Variants in HRH1 observed in about 807,000 individuals in gnomAD.
The protein encoded by HRH1 is histamine receptor H1, also known as histamine H1 receptor.
A neutral mutation model predicts 10.3 loss-of-function variants in HRH1; 6 were observed. The observed-to-expected ratio is 0.58, with a 90% CI of 0.32 to 1.15. The LOEUF (loss-of-function observed/expected upper bound fraction) is 1.15. HRH1 is among the 50% of genes most tolerant of loss of function. HRH1 has a pLI of 0.05. For missense variants in HRH1, 514 were observed against 615.3 expected (o/e 0.84, Z 1.74); for synonymous variants, 242 against 236.7 (o/e 1.02, Z -0.21).
intron 1 of HRH1, among the ~76,000 whole-genome samples, chr3:11,229,210 C>T (rs1938979342): frequency 6.6e-6 from 1 of 152,052 alleles, no homozygotes; most frequent in South Asian, 2.1e-4. Flanking sequence ...GAAATAGGCC[C>T]ATAAGGAGAC....
At chr3:11,188,372 C>T (rs774506563) in intron 1 of HRH1, among the ~76,000 whole-genome samples, 4 of 152,120 alleles carry the variant, frequency 2.6e-5, no homozygotes, top group Non-Finnish European at 4.4e-5. Context: ...GAAGCCGAGG[C>T]GGGTGGATCT....
chr3:11,198,901 T>TACAC lies in HRH1; in HGVS notation c.-36+44348_-36+44349insCACA, dbSNP rs1491456900. Among the ~76,000 whole-genome samples, 77 of 86,144 alleles carry TACAC rather than the reference T, an allele frequency of 8.9e-4. 1 individual carries two copies. The highest frequency in any genetic ancestry group is 2.4e-3 in the African/African-American group (58 of 24,196). 56.5% of individuals were successfully genotyped at this position (86,144 alleles called of 152,430 possible). On this transcript the variant is annotated intron_variant, in intron 1 of 1. Transcript: ENST00000431010. Reference sequence around the variant, plus strand: ...GTGTATTGTAAACTCTCTCTCTCTTTATACACACACACACACACACACACA... The same window carrying TACAC: ...GTGTATTGTAAACTCTCTCTCTCTTTACACATACACACACACACACACACACACA...
At chr3:11,174,164 C>CA (rs1937205755) in intron 1 of HRH1, among the ~76,000 whole-genome samples, 1 of 152,204 alleles carries the variant, frequency 6.6e-6, no homozygotes, top group African/African-American at 2.4e-5. Flanking sequence ...CAATATGTAC[C>CA]ACATTGAACT....
intron 1 of HRH1, among the ~76,000 whole-genome samples, chr3:11,174,444 G>T (rs773919919): frequency 1.3e-5 from 2 of 152,176 alleles, no homozygotes; most frequent in Non-Finnish European, 2.9e-5. Context: ...CCAAAGGCGT[G>T]GCTCAAAGTC....
intron 1 of HRH1, among the ~76,000 whole-genome samples, chr3:11,210,384 AC>A (rs1462046564): frequency 6.6e-6 from 1 of 152,068 alleles, no homozygotes; most frequent in Non-Finnish European, 1.5e-5. Flanking sequence ...ACAAAACGAG[AC>A]CCTGTCTCAA....
intron 1 of HRH1, among the ~76,000 whole-genome samples, chr3:11,165,475 C>T (rs919503292): frequency 2.0e-5 from 3 of 152,042 alleles, no homozygotes; most frequent in Non-Finnish European, 4.4e-5. Flanking sequence ...GGGTTTTTTT[C>T]CTCTGTTACA....
upstream of HRH1, among the ~76,000 whole-genome samples, chr3:11,149,841 A>G (rs2124999889): frequency 1.3e-5 from 2 of 152,388 alleles, no homozygotes; most frequent in Middle Eastern, 6.8e-3. Context: ...AGAACTCCAG[A>G]AATAATGAAA....
intron 1 of HRH1, among the ~76,000 whole-genome samples, chr3:11,214,822 A>C (rs752973157): frequency 6.6e-6 from 1 of 152,194 alleles, no homozygotes; most frequent in Non-Finnish European, 1.5e-5. Flanking sequence ...GTTGTGGCTA[A>C]CCAGAGAGTT....
At chr3:11,245,584 T>C (rs1214127068) in intron 1 of HRH1, among the ~76,000 whole-genome samples, 1 of 152,164 alleles carries the variant, frequency 6.6e-6, no homozygotes, top group Non-Finnish European at 1.5e-5. Flanking sequence ...TGTCGCAGGA[T>C]GTGCAAGGAG....
In HRH1 at chr3:11,259,551, A is replaced by T; in HGVS notation, c.514A>T (p.Thr172Ser). 6.2e-7 allele frequency: 1 copy of T among 1,613,770 alleles called. No individual in the cohort carries two copies. The highest frequency in any genetic ancestry group is 1.1e-5 in the South Asian group (1 of 91,060). ...ILGWNHFMQQ[T>S]SVRREDKCET... ...AGGCTGGAATCACTTCATGCAGCAG[A>T]CCTCGGTGCGCCGAGAGGACAAGTG... Residue 172 changes from threonine (T) to serine (S), a missense_variant, in exon 2 of 2, where the codon ACC (threonine) becomes TCC (serine). Transcript: ENST00000431010. This position sits in a 1 kb window ranked among gnomAD's most constrained non-coding sequence, Gnocchi z 4.6.
chr3:11,201,071 A>C (rs1157376780), intron 1 of HRH1, among the ~76,000 whole-genome samples: 1 of 152,242 alleles, frequency 6.6e-6, no homozygotes. Context: ...GTTTTCGGGG[A>C]TCTATCAGTG....
intron 1 of HRH1, among the ~76,000 whole-genome samples, chr3:11,241,072 TTTG>T (rs1242909287): frequency 3.9e-5 from 6 of 152,230 alleles, no homozygotes; most frequent in Admixed American, 2.0e-4. Context: ...GAATCTATAT[TTTG>T]TTTTTTTCAA....
chr3:11,202,603 T>G (rs752878169), intron 1 of HRH1, among the ~76,000 whole-genome samples: 5 of 152,056 alleles, frequency 3.3e-5, no homozygotes, highest in Non-Finnish European at 4.4e-5. Context: ...AACGAAGACT[T>G]TATTTTTCTT....
At chr3:11,159,262 A>C (rs1332382222) in intron 1 of HRH1, among the ~76,000 whole-genome samples, 1 of 152,174 alleles carries the variant, frequency 6.6e-6, no homozygotes, top group Non-Finnish European at 1.5e-5. Flanking sequence ...AAACAAAACA[A>C]AAAGACAGTG....
intron 1 of HRH1, among the ~76,000 whole-genome samples, chr3:11,197,420 A>G (rs1006322158): frequency 1.1e-4 from 17 of 152,092 alleles, no homozygotes; most frequent in Non-Finnish European, 2.2e-4. Flanking sequence ...AGGCAAAGAT[A>G]TTTCTTCCCC....
intron 1 of HRH1, among the ~76,000 whole-genome samples, chr3:11,220,416 T>C (rs1198707706): frequency 1.3e-5 from 2 of 152,166 alleles, no homozygotes; most frequent in Non-Finnish European, 2.9e-5. Context: ...CAGTGTCCTG[T>C]TTGTTGGTAT....
chr3:11,181,213 A>G (rs1000425051), intron 1 of HRH1, among the ~76,000 whole-genome samples: 4 of 152,128 alleles, frequency 2.6e-5, no homozygotes, highest in Admixed American at 2.6e-4. Context: ...TGATCCCGGG[A>G]GGTTGAGGCT....
At chr3:11,145,387 A>T (rs1371709073) in intron 1 of HRH1, among the ~76,000 whole-genome samples, 2 of 152,120 alleles carry the variant, frequency 1.3e-5, no homozygotes, top group Non-Finnish European at 2.9e-5. Flanking sequence ...CTTTCAGTAC[A>T]GGTCCTTCAA....
At chr3:11,205,872 A>T (rs944662981) in intron 1 of HRH1, among the ~76,000 whole-genome samples, 1 of 151,876 alleles carries the variant, frequency 6.6e-6, no homozygotes, top group Non-Finnish European at 1.5e-5. Context: ...ATATTGGCCA[A>T]GCTGGTCTTG....
Sources: gnomAD v4.1 joint callset for allele counts (sites outside exome capture counted in the v4.1 genomes callset) on GRCh38, gnomAD v4.1.1 for gene constraint, Gnocchi (gnomAD v3.1) non-coding constraint, MANE v1.5 for transcripts, NCBI Gene and HGNC (gene_info 2026-07-23, HGNC 2026-07-21) for gene names.